Variants in KCNH5 observed in about 807,000 individuals in gnomAD.
The protein encoded by KCNH5 is potassium voltage-gated channel subfamily H member 5.
In KCNH5, 46 loss-of-function variants were observed where a neutral mutation model predicts 96.1. That is an observed-to-expected ratio of 0.48 (90% CI 0.38 to 0.61). The LOEUF is 0.61. KCNH5 is among the 20% of genes least tolerant of loss of function. KCNH5 has a pLI of 0.00. For synonymous variants in KCNH5, 439 were observed against 449.8 expected, an observed-to-expected ratio of 0.98 and a Z score of 0.30; for missense variants, 907 against 1,225.8, an observed-to-expected ratio of 0.74 and a Z score of 3.88.
intron 4 of KCNH5, among the ~76,000 whole-genome samples, chr14:62,995,849 G>T (rs1450430776): frequency 6.6e-6 from 1 of 151,900 alleles, no homozygotes; most frequent in Non-Finnish European, 1.5e-5. Context: ...AAGAGACTTT[G>T]TATCTCCAGG....
At chr14:62,864,262 G>A (rs1297935168) in intron 7 of KCNH5, among the ~76,000 whole-genome samples, 1 of 152,072 alleles carries the variant, frequency 6.6e-6, no homozygotes, top group East Asian at 1.9e-4. Context: ...TAAAGAATAG[G>A]TACTTATATT....
chr14:62,724,153 G>T (rs926954799), intron 10 of KCNH5, among the ~76,000 whole-genome samples: 2 of 152,260 alleles, frequency 1.3e-5, no homozygotes, highest in South Asian at 4.1e-4. Flanking sequence ...TTTAGTAAAA[G>T]TCTATTAGAA....
chr14:62,880,338 C>A (rs910573428), intron 7 of KCNH5, among the ~76,000 whole-genome samples: 3 of 152,164 alleles, frequency 2.0e-5, no homozygotes, highest in African/African-American at 7.2e-5. Context: ...TTCCATATAC[C>A]ACTGTGAATT....
chr14:62,842,849 T>C (rs1887613307), intron 8 of KCNH5, among the ~76,000 whole-genome samples: 1 of 152,368 alleles, frequency 6.6e-6, no homozygotes, highest in Admixed American at 6.5e-5. Context: ...CAGATTTTTA[T>C]ACTATAATTC....
intron 6 of KCNH5, among the ~76,000 whole-genome samples, chr14:62,961,369 G>A (rs551829496): frequency 2.0e-4 from 30 of 152,116 alleles, no homozygotes; most frequent in Admixed American, 3.3e-4. Context: ...CCCACCAACC[G>A]TTTCTTTTGT....
intron 1 of KCNH5, among the ~76,000 whole-genome samples, chr14:63,035,848 C>G (rs1439883675): frequency 3.9e-5 from 6 of 152,150 alleles, no homozygotes; most frequent in African/African-American, 1.4e-4. Flanking sequence ...TGAGATGATC[C>G]ACTACATCTG....
chr14:62,884,037 A>T (rs1180456459), intron 7 of KCNH5, among the ~76,000 whole-genome samples: 1 of 152,200 alleles, frequency 6.6e-6, no homozygotes. Context: ...AGAAGTATTT[A>T]ATCTGTTAGC....
chr14:62,825,364 T>G (rs746490490), intron 8 of KCNH5, among the ~76,000 whole-genome samples: 47 of 152,168 alleles, frequency 3.1e-4, no homozygotes, highest in Non-Finnish European at 6.2e-4. Context: ...TGGTTTTGAT[T>G]TGCATTTCTC....
In KCNH5 at chr14:62,976,097, T is replaced by TA. The variant is rs377478705; in HGVS notation, c.942+4774dup. ...ATAAAGGATTAGAAAATAGGAGATT[T>TA]AAAAAAAAAAAAAAGGAAATTGGCC... On this transcript the variant is annotated intron_variant, in intron 6 of 10. Coordinates refer to ENST00000322893, the MANE Select transcript of KCNH5 (RefSeq NM_139318.5). Among the ~76,000 whole-genome samples the TA allele has an allele frequency of 8.3e-3, 1,164 of 139,910 alleles. 11 individuals are homozygous for TA. Among genetic ancestry groups the TA allele is most frequent in the South Asian group, 0.042 (183 of 4,378 alleles). The allele number at this position is 139,910 out of a possible 152,430, so 91.8% of individuals were successfully genotyped here.
chr14:63,041,424 G>A lies in KCNH5; in HGVS notation c.73+3690C>T, dbSNP rs75554648. Among the ~76,000 whole-genome samples, 108 of 152,192 alleles carry A rather than the reference G, an allele frequency of 7.1e-4. No homozygotes were observed. In the East Asian group the frequency reaches 0.019, roughly 26 times the overall value. On this transcript the variant is annotated intron_variant, in intron 1 of 10. Coordinates refer to ENST00000322893, the MANE Select transcript of KCNH5 (RefSeq NM_139318.5). ...AGCCCTTGAGGCAGGGGCCTTCTGG[G>A]AGACATTGCTCAGCTGTAATGAACT...
At chr14:62,959,810 C>T (rs1890172747) in intron 6 of KCNH5, among the ~76,000 whole-genome samples, 1 of 152,104 alleles carries the variant, frequency 6.6e-6, no homozygotes, top group Non-Finnish European at 1.5e-5. Flanking sequence ...ATCTACCTCT[C>T]ACCACCTCCA....
At chr14:62,742,811 G>C (rs951469214) in intron 10 of KCNH5, among the ~76,000 whole-genome samples, 2 of 152,118 alleles carry the variant, frequency 1.3e-5, no homozygotes, top group African/African-American at 4.8e-5. Flanking sequence ...TAGGATCATG[G>C]ACTACCTACA....
intron 7 of KCNH5, among the ~76,000 whole-genome samples, chr14:62,861,147 G>A (rs1034839973): frequency 5.9e-5 from 9 of 152,096 alleles, no homozygotes; most frequent in Non-Finnish European, 1.2e-4. Context: ...GCTGGACAAG[G>A]GTCAACACCA....
intron 6 of KCNH5, among the ~76,000 whole-genome samples, chr14:62,965,069 CAA>C (rs1890280091): frequency 6.6e-6 from 1 of 152,106 alleles, no homozygotes; most frequent in Admixed American, 6.6e-5. Context: ...AGGAGTACCT[CAA>C]TATATATATA....
chr14:62,825,100 TG>T (rs1416455552), intron 8 of KCNH5, among the ~76,000 whole-genome samples: 3 of 152,144 alleles, frequency 2.0e-5, no homozygotes, highest in Admixed American at 1.3e-4. Context: ...TAGAACGATT[TG>T]TTTTCTTTTG....
Position 62,939,655 on chromosome 14 carries a change from C to T in KCNH5, c.1369+10478G>A, listed in dbSNP as rs184100996. Among the ~76,000 whole-genome samples, 7 of 152,232 alleles carry T rather than the reference C, an allele frequency of 4.6e-5. No homozygotes were observed. The East Asian group carries it at 1.4e-3, about 29-fold the overall frequency. On this transcript the variant is annotated intron_variant, in intron 7 of 10. Coordinates refer to ENST00000322893, the MANE Select transcript of KCNH5 (RefSeq NM_139318.5). ...AAACATTTTTTAAAGTTTCAGGAAG[C>T]TTGGCTGGGCATGGTGGCTCATGCC...
intron 7 of KCNH5, among the ~76,000 whole-genome samples, chr14:62,853,046 G>A (rs1887838908): frequency 6.6e-6 from 1 of 152,142 alleles, no homozygotes; most frequent in South Asian, 2.1e-4. Context: ...ACAGCCAAAT[G>A]CACTTTTCAC....
intron 10 of KCNH5, among the ~76,000 whole-genome samples, chr14:62,761,906 A>T (rs990235319): frequency 4.6e-5 from 7 of 152,096 alleles, no homozygotes; most frequent in African/African-American, 1.7e-4. Flanking sequence ...CCTGGGGTGA[A>T]GGGAGAGCAA....
intron 4 of KCNH5, among the ~76,000 whole-genome samples, chr14:62,994,473 T>C (rs1372727407): frequency 1.3e-5 from 2 of 152,086 alleles, no homozygotes; most frequent in African/African-American, 4.8e-5. Context: ...TTTTCCTCTT[T>C]GTATTATTAT....
Sources: allele counts gnomAD v4.1 joint callset (sites outside exome capture counted in the v4.1 genomes callset), GRCh38; gene constraint gnomAD v4.1.1; transcripts MANE v1.5; gene names NCBI Gene and HGNC (gene_info 2026-07-23, HGNC 2026-07-21).